OR5H1: variants seen among roughly 807,000 people sequenced by gnomAD.
OR5H1 encodes olfactory receptor family 5 subfamily H member 1.
For missense variants in OR5H1, 378 were observed against 366.8 expected (o/e 1.03, Z -0.25); for synonymous variants, 124 against 134.4 (o/e 0.92, Z 0.54).
rs760777784 is a variant in OR5H1, at chr3:98,133,676, A to G, written c.*37A>G. ...TAATTACAAAAATAGTCACAAAATT[A>G]TGCAAGTTAGAGGTACCTATGTTGT... On this transcript the variant is annotated 3_prime_UTR_variant, in exon 2 of 2. Transcript: ENST00000641874. The G allele has an allele frequency of 1.3e-6, 2 of 1,527,562 alleles. No individual in the cohort carries two copies. Among genetic ancestry groups the G allele is most frequent in the Admixed American group, 3.5e-5 (2 of 56,470 alleles). The allele number at this position is 1,527,562 out of a possible 1,614,324, so 94.6% of individuals were successfully genotyped here.
In OR5H1 at chr3:98,135,016, A is replaced by G. The variant is rs1708302607; in HGVS notation, c.*1377A>G. On this transcript the variant is annotated 3_prime_UTR_variant, in exon 2 of 2. Transcript: ENST00000641874. ...CATATGCATATGTTTAGTTTTTCAT[A>G]TGTATACATAGTGATACAAGATATA... is the stretch of plus-strand genomic sequence containing the variant. 6.6e-6 allele frequency: 1 copy of G among 152,128 alleles called. No homozygotes were observed. The highest frequency in any genetic ancestry group is 6.6e-5 in the Admixed American group (1 of 15,250). The allele number at this position is 152,128 out of a possible 1,614,324, so 9.4% of individuals were successfully genotyped here.
At chr3:98,131,512 C>T (rs1199614249) in intron 1 of OR5H1, among the ~76,000 whole-genome samples, 1 of 151,536 alleles carries the variant, frequency 6.6e-6, no homozygotes, top group Non-Finnish European at 1.5e-5. Flanking sequence ...CAGTATGTTA[C>T]CTCTGACAGC....
In OR5H1 at chr3:98,130,731, A is replaced by G. The variant is rs1708245451; in HGVS notation, c.-138A>G. On this transcript the variant is annotated 5_prime_UTR_variant, in exon 1 of 2. Coordinates refer to ENST00000641874, the MANE Select transcript of OR5H1 (RefSeq NM_001005338.2). ...ATGCTTGGAAAAAGAAACCTTCAAA[A>G]AGAATGAATATGCCATGAATGGCTA... 1 of 152,166 alleles carries G rather than the reference A, an allele frequency of 6.6e-6. No homozygotes were observed. Among genetic ancestry groups the G allele is most frequent in the Admixed American group, 6.6e-5 (1 of 15,258 alleles). 9.4% of individuals were successfully genotyped at this position (152,166 alleles called of 1,614,324 possible).
rs1159391799 is a variant in OR5H1, at chr3:98,136,577, G to A, written c.*2938G>A. ...AGGAACTGGCTGTAGTTATTTTTCT[G>A]ATACCTGCAAATCTCATATTAAAAT... On this transcript the variant is annotated 3_prime_UTR_variant, in exon 2 of 2. Coordinates refer to ENST00000641874, the MANE Select transcript of OR5H1 (RefSeq NM_001005338.2). The A allele has an allele frequency of 5.3e-5, 8 of 152,090 alleles. No homozygotes were observed. 9.4% of individuals were successfully genotyped at this position (152,090 alleles called of 1,614,324 possible).
Position 98,133,602 on chromosome 3 carries a change from C to T in OR5H1, c.905C>T (p.Thr302Ile). 1.9e-6 allele frequency: 3 copies of T among 1,605,284 alleles called. No individual in the cohort carries two copies. The highest frequency in any genetic ancestry group is 2.5e-6 in the Non-Finnish European group (3 of 1,176,942). Residue 302 changes from threonine (T) to isoleucine (I), a missense_variant, in exon 2 of 2, where the codon ACA becomes ATA. By Grantham distance (89) the Thr-to-Ile change is moderately conservative. Transcript: ENST00000641874. ...AATAAGCAAGTCACAGTTTCATTCA[C>T]AAAAATGTTAAAAAAACATGTTAAG... ...LRNKQVTVSF[T>I]KMLKKHVKVS...
chr3:98,133,098 C>T lies in OR5H1; in HGVS notation c.401C>T (p.Ala134Val). The T allele has an allele frequency of 1.2e-6, 2 of 1,613,582 alleles. No homozygotes were observed. The highest frequency in any genetic ancestry group is 1.1e-5 in the South Asian group (1 of 91,064). The stretch of plus-strand genomic sequence containing the variant: ...ATATGCAAACCTTTACTTTATCCAG[C>T]CATTATGACCAATGGACTGTGCATC... ...VAICKPLLYP[A>V]IMTNGLCIRL... is the part of the protein sequence containing the mutation. Residue 134 changes from alanine (A) to valine (V), a missense_variant, in exon 2 of 2, where the codon GCC (alanine) becomes GTC (valine). Physicochemically the swap from Ala to Val is moderately conservative, Grantham distance 64 (BLOSUM62 0). Transcript: ENST00000641874.
At position 98,135,715 on chromosome 3, in the gene OR5H1, T is replaced by G. The variant is rs1708310126; in HGVS notation, c.*2076T>G. 6.6e-6 allele frequency: 1 copy of G among 152,056 alleles called. No homozygotes were observed. Among genetic ancestry groups the G allele is most frequent in the South Asian group, 2.1e-4 (1 of 4,804 alleles). 9.4% of individuals were successfully genotyped at this position (152,056 alleles called of 1,614,324 possible). Reference sequence around the variant, plus strand: ...TATCACAAACATAGTACCAAGGGACTGGGGTATGCTCCATAGCCAAAGTAC... The same window carrying G: ...TATCACAAACATAGTACCAAGGGACGGGGGTATGCTCCATAGCCAAAGTAC... On this transcript the variant is annotated 3_prime_UTR_variant, in exon 2 of 2. Coordinates refer to ENST00000641874, the MANE Select transcript of OR5H1 (RefSeq NM_001005338.2).
In OR5H1 at chr3:98,136,968, A is replaced by G. The variant is rs1708328393; in HGVS notation, c.*3329A>G. The G allele has an allele frequency of 2.0e-5, 3 of 152,178 alleles. No individual in the cohort carries two copies. Among genetic ancestry groups the G allele is most frequent in the African/African-American group, 7.2e-5 (3 of 41,448 alleles). The allele number at this position is 152,178 out of a possible 1,614,324, so 9.4% of individuals were successfully genotyped here. On this transcript the variant is annotated 3_prime_UTR_variant, in exon 2 of 2. Transcript: ENST00000641874. ...CAAGAATTTCTTTATTGCAACACTA[A>G]ATGGAATGAGGCAGGGCTTAATTGG...
chr3:98,132,930 C>T lies in OR5H1; in HGVS notation c.233C>T (p.Thr78Ile), dbSNP rs755595474. Residue 78 changes from threonine to isoleucine, a missense_variant, in exon 2 of 2, where the codon ACC becomes ATC. By Grantham distance (89) the Thr-to-Ile change is moderately conservative. Coordinates refer to ENST00000641874, the MANE Select transcript of OR5H1 (RefSeq NM_001005338.2). The part of the protein sequence containing the change: ...FVDAWISSTV[T>I]PKMLNNFLAK... ...GATGCTTGGATATCATCCACAGTGA[C>T]CCCAAAGATGCTGAATAACTTCTTA... is the stretch of plus-strand genomic sequence containing the variant. The T allele has an allele frequency of 4.3e-6, 7 of 1,613,538 alleles. No homozygotes were observed. The highest frequency in any genetic ancestry group is 2.2e-5 in the South Asian group (2 of 91,068).
intron 1 of OR5H1, among the ~76,000 whole-genome samples, chr3:98,132,264 T>A (rs1468056162): frequency 6.6e-6 from 1 of 152,026 alleles, no homozygotes; most frequent in East Asian, 1.9e-4. Flanking sequence ...TAATTTCCCA[T>A]CTTAAAATTT....
At chr3:98,132,539 TAG>T (rs1708267456) in intron 1 of OR5H1, 139 bp from the exon 2 acceptor site, 2 of 891,402 alleles carry the variant, frequency 2.2e-6, no homozygotes, top group Admixed American at 5.6e-5. Context: ...TTGCAACAAA[TAG>T]AGATTCATCA....
intron 1 of OR5H1, among the ~76,000 whole-genome samples, chr3:98,132,080 A>T (rs372181917): frequency 6.6e-6 from 1 of 151,934 alleles, no homozygotes; most frequent in Non-Finnish European, 1.5e-5. Context: ...CTACATTAAA[A>T]CCTCATAACA....
At chr3:98,132,525 T>C (rs1001820729) in intron 1 of OR5H1, among the ~76,000 whole-genome samples, 155 bp from the exon 2 acceptor site, 10 of 152,068 alleles carry the variant, frequency 6.6e-5, no homozygotes, top group Non-Finnish European at 1.0e-4. Flanking sequence ...TTTTCATGTC[T>C]TTATTGCAAC....
rs566867512 is a variant in OR5H1 at position 98,131,753 on chromosome 3, A to G, written c.-19+903A>G. Reference sequence around the variant, plus strand: ...TATTGAGCTCTAATAGGCTCATATTACTGATTGGAACACATCTAGTTGTCC... The same window carrying G: ...TATTGAGCTCTAATAGGCTCATATTGCTGATTGGAACACATCTAGTTGTCC... On this transcript the variant is annotated intron_variant, in intron 1 of 1. Transcript: ENST00000641874. 7.2e-5 allele frequency among the ~76,000 whole-genome samples: 11 copies of G among 152,144 alleles called. No individual in the cohort carries two copies. The South Asian group carries it at 1.7e-3, about 23-fold the overall frequency.
intron 1 of OR5H1, among the ~76,000 whole-genome samples, chr3:98,131,679 A>C (rs1708257428): frequency 6.6e-6 from 1 of 151,978 alleles, no homozygotes; most frequent in African/African-American, 2.4e-5. Context: ...ATCTTTAACT[A>C]TGCCTTTGAC....
chr3:98,132,407 T>A (rs1708266220), intron 1 of OR5H1, among the ~76,000 whole-genome samples: 1 of 152,070 alleles, frequency 6.6e-6, no homozygotes, highest in Admixed American at 6.6e-5. Context: ...AAACAATTTT[T>A]CTACTGCACT....
rs1708299509 is a variant in OR5H1, at chr3:98,134,624, G to A, written c.*985G>A. ...CAAAAAAATGAGGTAAGATTTTGGAGATTTTTTGCCTCGGAAAGTCATTGA... is the reference window on the plus strand; with the variant it reads ...CAAAAAAATGAGGTAAGATTTTGGAAATTTTTTGCCTCGGAAAGTCATTGA... On this transcript the variant is annotated 3_prime_UTR_variant, in exon 2 of 2. Transcript: ENST00000641874. The A allele has an allele frequency of 6.6e-6, 1 of 152,070 alleles. No individual in the cohort carries two copies. Among genetic ancestry groups the A allele is most frequent in the Admixed American group, 6.6e-5 (1 of 15,246 alleles). 9.4% of individuals were successfully genotyped at this position (152,070 alleles called of 1,614,324 possible).
Position 98,138,166 on chromosome 3 carries a change from G to C in OR5H1, c.*4527G>C, listed in dbSNP as rs113271034. 2.6e-3 allele frequency: 392 copies of C among 152,208 alleles called. 2 individuals carry two copies. Among genetic ancestry groups the C allele is most frequent in the African/African-American group, 9.0e-3 (373 of 41,532 alleles). 9.4% of individuals were successfully genotyped at this position (152,208 alleles called of 1,614,324 possible). Reference sequence around the variant, plus strand: ...AGGGCTCACAACTCTAAGGGGGTCCGCGTGAGAGGGTCGTGATCGATTGAG... The same window carrying C: ...AGGGCTCACAACTCTAAGGGGGTCCCCGTGAGAGGGTCGTGATCGATTGAG... On this transcript the variant is annotated 3_prime_UTR_variant, in exon 2 of 2. Transcript: ENST00000641874.
rs185937975 is a variant in OR5H1, at chr3:98,133,430, C to T, written c.733C>T (p.Leu245Phe). 372 of 1,613,552 alleles carry T rather than the reference C, an allele frequency of 2.3e-4. 2 individuals carry two copies. In the East Asian group the frequency reaches 6.8e-3, roughly 29 times the overall value. ...AGCCTTTTCCACCTGTGGAGCCCAT[C>T]TCTTCTCTGTCTCTTTATACTATGG... is the stretch of plus-strand genomic sequence containing the variant. ...RKAFSTCGAH[L>F]FSVSLYYGPL... Residue 245 changes from leucine (L) to phenylalanine (F), a missense_variant, in exon 2 of 2, where the codon CTC becomes TTC. Leu to Phe is a conservative substitution (Grantham distance 22). Transcript: ENST00000641874.
Sources: allele counts gnomAD v4.1 joint callset (sites outside exome capture counted in the v4.1 genomes callset), GRCh38; gene constraint gnomAD v4.1.1; transcripts MANE v1.5; gene names NCBI Gene and HGNC (gene_info 2026-07-23, HGNC 2026-07-21).